The following CRACD variants were observed in gnomAD, a reference collection of about 807,000 sequenced individuals.
CRACD encodes the protein capping protein inhibiting regulator of actin dynamics, also known as capping protein-inhibiting regulator of actin dynamics.
In CRACD, 56 loss-of-function variants were observed where a neutral mutation model predicts 106.8. The ratio of observed to expected loss-of-function variants is 0.52; its 90% CI spans 0.42 to 0.66. The LOEUF is 0.66. CRACD is among the 30% of genes least tolerant of loss of function. CRACD has a pLI of 0.00. For synonymous variants in CRACD, 754 were observed against 670.8 expected, an observed-to-expected ratio of 1.12 and a Z score of -1.92; for missense variants, 1,730 against 1,623.2, an observed-to-expected ratio of 1.07 and a Z score of -1.13.
At chr4:56,192,540 CT>C (rs1737426071) in intron 2 of CRACD, among the ~76,000 whole-genome samples, 1 of 151,884 alleles carries the variant, frequency 6.6e-6, no homozygotes, top group Non-Finnish European at 1.5e-5. Flanking sequence ...AATGTGAAGA[CT>C]TGTGGGAAGA....
chr4:56,251,353 G>C (rs6823520), intron 2 of CRACD, among the ~76,000 whole-genome samples: 2 of 152,024 alleles, frequency 1.3e-5, no homozygotes, highest in East Asian at 1.9e-4. Flanking sequence ...GTCACTTCCA[G>C]CTCCTTGAAA....
chr4:56,225,600 A>G (rs1278079616), intron 2 of CRACD, among the ~76,000 whole-genome samples: 1 of 152,008 alleles, frequency 6.6e-6, no homozygotes, highest in East Asian at 1.9e-4. Flanking sequence ...TCTTTGTATA[A>G]TATTTGATTT....
At chr4:56,313,470 G>A in intron 7 of CRACD, 91 bp downstream of exon 7, 1 of 1,145,798 alleles carries the variant, frequency 8.7e-7, no homozygotes, top group Admixed American at 2.2e-5. Flanking sequence ...GTGGAGCCAT[G>A]TAAAGACCTG....
chr4:56,163,735 A>G lies in CRACD; in HGVS notation c.-335-15549A>G, dbSNP rs1167420632. Among the ~76,000 whole-genome samples the G allele has an allele frequency of 2.0e-5, 3 of 151,750 alleles. No homozygotes were observed. The East Asian group carries it at 5.8e-4, about 29-fold the overall frequency. ...GTTATTTTGATTTTCTGAGTTATGC[A>G]AGTTCTTTGTGTGTATCTTTTTTTT... On this transcript the variant is annotated intron_variant, in intron 1 of 10. Coordinates refer to ENST00000682029, the MANE Select transcript of CRACD (RefSeq NM_001393381.1).
chr4:56,058,269 C>T (rs1732156785), intron 1 of CRACD, among the ~76,000 whole-genome samples: 1 of 152,106 alleles, frequency 6.6e-6, no homozygotes, highest in Non-Finnish European at 1.5e-5. Context: ...GATGTTTCAC[C>T]ATGTTGACTA....
At chr4:56,227,621 A>G (rs1739373761) in intron 2 of CRACD, among the ~76,000 whole-genome samples, 1 of 152,180 alleles carries the variant, frequency 6.6e-6, no homozygotes, top group Non-Finnish European at 1.5e-5. Flanking sequence ...GGCCACATAG[A>G]CCGGCTGCAG....
intron 4 of CRACD, among the ~76,000 whole-genome samples, chr4:56,304,339 G>C (rs1161770037): frequency 4.0e-5 from 3 of 74,834 alleles, no homozygotes; most frequent in South Asian, 4.0e-4. Context: ...TTCTTTCCAT[G>C]TTCTCTTTTC....
chr4:56,262,015 G>A (rs1234951550), intron 2 of CRACD, among the ~76,000 whole-genome samples: 4 of 152,126 alleles, frequency 2.6e-5, no homozygotes, highest in Admixed American at 1.3e-4. Context: ...AAGAGTCACC[G>A]TACTAAAAAG....
intron 2 of CRACD, among the ~76,000 whole-genome samples, chr4:56,238,854 G>A (rs1374324387): frequency 6.6e-6 from 1 of 152,008 alleles, no homozygotes; most frequent in Admixed American, 6.6e-5. Flanking sequence ...GATTTCTTTT[G>A]TGAGCTGCCT....
At chr4:56,321,279 T>C (rs1356788) in intron 8 of CRACD, 130,215 of 188,692 alleles carry the variant, frequency 0.69, 45,219 homozygotes, top group Admixed American at 0.77. Context: ...GAAGGAGACC[T>C]GCCAAGGCCA....
chr4:56,231,587 G>A (rs1417369514), intron 2 of CRACD, among the ~76,000 whole-genome samples: 1 of 152,160 alleles, frequency 6.6e-6, no homozygotes, highest in East Asian at 1.9e-4. Flanking sequence ...CTACCCAAAT[G>A]CCTATCAACC....
At chr4:56,157,188 A>G (rs546348579) in intron 1 of CRACD, among the ~76,000 whole-genome samples, 7 of 152,338 alleles carry the variant, frequency 4.6e-5, no homozygotes, top group African/African-American at 1.4e-4. Flanking sequence ...TGGAAAAAGT[A>G]TCTTTGAAAA....
intron 9 of CRACD, among the ~76,000 whole-genome samples, chr4:56,323,781 A>G (rs1029511168): frequency 7.9e-5 from 12 of 152,252 alleles, no homozygotes; most frequent in African/African-American, 2.7e-4. Context: ...CTGATTTGCC[A>G]TAATCCACGA....
chr4:56,199,683 A>G (rs1291942682), intron 2 of CRACD, among the ~76,000 whole-genome samples: 1 of 145,324 alleles, frequency 6.9e-6, no homozygotes. Context: ...CTCCGTCTCA[A>G]AAAAAAAAAA....
chr4:56,165,288 G>A (rs965487638), intron 1 of CRACD, among the ~76,000 whole-genome samples: 1 of 152,172 alleles, frequency 6.6e-6, no homozygotes, highest in African/African-American at 2.4e-5. Flanking sequence ...GGGCACTGAC[G>A]TAGCAGCAAC....
chr4:56,273,971 C>T (rs575232602), intron 3 of CRACD, among the ~76,000 whole-genome samples: 17 of 152,210 alleles, frequency 1.1e-4, no homozygotes, highest in African/African-American at 4.1e-4. Context: ...ATTACAAAAC[C>T]CTCAGACCAG....
chr4:56,055,332 A>T (rs2412728), intron 1 of CRACD, among the ~76,000 whole-genome samples: 61,429 of 151,648 alleles, frequency 0.41, 14,290 homozygotes, highest in African/African-American at 0.65. Context: ...AGGAATAATC[A>T]GCGAAAATTC....
chr4:56,210,300 G>C (rs913240097), intron 2 of CRACD, among the ~76,000 whole-genome samples: 3 of 152,156 alleles, frequency 2.0e-5, no homozygotes, highest in Non-Finnish European at 2.9e-5. Context: ...TGACTTGGGG[G>C]TTTGTGTACA....
At chr4:56,285,894 A>T (rs1478669407) in intron 3 of CRACD, among the ~76,000 whole-genome samples, 2 of 152,088 alleles carry the variant, frequency 1.3e-5, no homozygotes, top group Non-Finnish European at 2.9e-5. Context: ...AAATGGTAGA[A>T]CTAGGTTTCA....
Sources: allele counts gnomAD v4.1 joint callset (sites outside exome capture counted in the v4.1 genomes callset), GRCh38; gene constraint gnomAD v4.1.1; transcripts MANE v1.5; gene names NCBI Gene and HGNC (gene_info 2026-07-23, HGNC 2026-07-21).